AGO3: variants seen among roughly 807,000 people sequenced by gnomAD.
AGO3 encodes the protein protein argonaute-3.
In AGO3, 16 loss-of-function variants were observed where a neutral mutation model predicts 105.5. The observed-to-expected ratio is 0.15, with a 90% CI of 0.10 to 0.23. The LOEUF (loss-of-function observed/expected upper bound fraction) is 0.23. Among genes scored for constraint, AGO3 ranks in the 10% least tolerant of loss-of-function variants. The pLI is 1.00. For synonymous variants in AGO3, 340 were observed against 367.3 expected (o/e 0.93, Z 0.85); for missense variants, 534 against 1,088.0 (o/e 0.49, Z 7.16).
In AGO3 at chr1:36,034,242, A is replaced by G. The variant is rs143959736; in HGVS notation, c.1660A>G (p.Ile554Val). The change falls in exon 13 of 19, where the codon ATA becomes GTA. Residue 554 changes from isoleucine (I) to valine (V), a missense_variant. Physicochemically the swap from Ile to Val is conservative, Grantham distance 29 (BLOSUM62 3). Coordinates refer to ENST00000373191, the MANE Select transcript of AGO3 (RefSeq NM_024852.4). ...ACAATGTGTTCAAGTCAAGAATGTAATAAAAACATCTCCTCAAACTCTGTC... is the reference window on the plus strand; with the variant it reads ...ACAATGTGTTCAAGTCAAGAATGTAGTAAAAACATCTCCTCAAACTCTGTC... ...ATQCVQVKNV[I>V]KTSPQTLSNL... 464 of 1,608,808 alleles carry G rather than the reference A, an allele frequency of 2.9e-4. 6 individuals carry two copies. Among genetic ancestry groups the G allele is most frequent in the Non-Finnish European group, 5.6e-5 (66 of 1,177,740 alleles).
At chr1:36,033,032 C>T (rs956067276) in intron 12 of AGO3, among the ~76,000 whole-genome samples, 1 of 152,022 alleles carries the variant, frequency 6.6e-6, no homozygotes, top group African/African-American at 2.4e-5. Flanking sequence ...CTTCAAGAGG[C>T]TGAGGCAGGA....
chr1:35,937,439 T>C (rs1646170956), intron 1 of AGO3, among the ~76,000 whole-genome samples: 1 of 151,032 alleles, frequency 6.6e-6, no homozygotes, highest in East Asian at 1.9e-4. Context: ...CCACCTGTAA[T>C]CCCAGCACTT....
intron 2 of AGO3, among the ~76,000 whole-genome samples, chr1:35,948,041 G>A (rs986555726): frequency 1.3e-5 from 2 of 151,770 alleles, no homozygotes; most frequent in Admixed American, 6.6e-5. Flanking sequence ...CACTCCAGCC[G>A]GGGCAACATA....
intron 2 of AGO3, 102 bp from the exon 3 acceptor site, chr1:35,966,853 A>G: frequency 7.8e-7 from 1 of 1,289,692 alleles, no homozygotes; most frequent in Non-Finnish European, 1.0e-6. Flanking sequence ...AATATTTTTT[A>G]GAATTTTGAC....
chr1:35,996,028 T>A (rs569407337), intron 5 of AGO3, among the ~76,000 whole-genome samples: 37 of 152,220 alleles, frequency 2.4e-4, no homozygotes, highest in Middle Eastern at 3.4e-3. Flanking sequence ...CTTCTCCTTT[T>A]GAGAACACCA....
chr1:35,982,733 A>C, intron 5 of AGO3: 1 of 699,564 alleles, frequency 1.4e-6, no homozygotes, highest in Non-Finnish European at 2.6e-6. Flanking sequence ...GTGATGGTCT[A>C]ATGTGGGATG....
At chr1:35,996,020 T>G (rs186053333) in intron 5 of AGO3, among the ~76,000 whole-genome samples, 8 of 152,088 alleles carry the variant, frequency 5.3e-5, no homozygotes, top group East Asian at 3.9e-4. Context: ...ATTAAAAGCT[T>G]CTCCTTTTGA....
Position 36,055,185 on chromosome 1 carries a change from T to C in AGO3, c.2474+40T>C. ...TAACAGGTTCTCACCCAAATCCCAA[T>C]ATTGTCTGCATGGTAGGATTTTCAA... On this transcript the variant is annotated intron_variant, in intron 18 of 18. Coordinates refer to ENST00000373191, the MANE Select transcript of AGO3 (RefSeq NM_024852.4). This position sits in a 1 kb window ranked among gnomAD's most constrained non-coding sequence, Gnocchi z 4.4. 1 of 1,544,746 alleles carries C rather than the reference T, an allele frequency of 6.5e-7. No homozygotes were observed. The highest frequency in any genetic ancestry group is 1.2e-5 in the South Asian group (1 of 84,626).
intron 6 of AGO3, 150 bp downstream of exon 6, chr1:36,004,625 C>A: frequency 2.7e-6 from 2 of 746,770 alleles, no homozygotes; most frequent in Non-Finnish European, 3.8e-6. Flanking sequence ...ACATTAAATT[C>A]ATTACTATAA....
chr1:35,968,074 A>G (rs1646805534), intron 3 of AGO3, among the ~76,000 whole-genome samples: 1 of 152,304 alleles, frequency 6.6e-6, no homozygotes, highest in East Asian at 1.9e-4. Flanking sequence ...CAGGAATATT[A>G]TATAACCATT....
At chr1:35,954,363 C>T (rs1646527481) in intron 2 of AGO3, among the ~76,000 whole-genome samples, 1 of 152,118 alleles carries the variant, frequency 6.6e-6, no homozygotes, top group Admixed American at 6.5e-5. Context: ...TATTTACACA[C>T]AAGGGACTAG....
intron 2 of AGO3, among the ~76,000 whole-genome samples, chr1:35,957,892 C>A (rs1271029485): frequency 6.6e-6 from 1 of 150,848 alleles, no homozygotes; most frequent in South Asian, 2.1e-4. Flanking sequence ...ATAGGGAGAC[C>A]CCTTCTGTAT....
At position 36,058,191 on chromosome 1, in the gene AGO3, CT is replaced by C. The variant is rs1642979221; in HGVS notation, c.*2450del. 1 of 152,108 alleles carries C rather than the reference CT, an allele frequency of 6.6e-6. No homozygotes were observed. Among genetic ancestry groups the C allele is most frequent in the African/African-American group, 2.4e-5 (1 of 41,426 alleles). 9.4% of individuals were successfully genotyped at this position (152,108 alleles called of 1,614,324 possible). ...GAAAATGCAAGATGATATTTTAAAA[CT>C]TTTGCTAATGTATCACCAGTATAAC... On this transcript the variant is annotated 3_prime_UTR_variant, in exon 19 of 19. Coordinates refer to ENST00000373191, the MANE Select transcript of AGO3 (RefSeq NM_024852.4).
At chr1:35,955,833 G>T (rs892302425) in intron 2 of AGO3, among the ~76,000 whole-genome samples, 1 of 152,032 alleles carries the variant, frequency 6.6e-6, no homozygotes, top group Non-Finnish European at 1.5e-5. Flanking sequence ...TGTCTCAAGC[G>T]ATCTGCCCAC....
rs375523944 is a variant in AGO3, at chr1:36,058,351, A to T, written c.*2606A>T. On this transcript the variant is annotated 3_prime_UTR_variant, in exon 19 of 19. Coordinates refer to ENST00000373191, the MANE Select transcript of AGO3 (RefSeq NM_024852.4). ...ATTACACTTTAAGGTATTAAAAAGT[A>T]CTATAAAGCTATCAAAACTGAGTTT... 12 of 152,312 alleles carry T rather than the reference A, an allele frequency of 7.9e-5. No individual in the cohort carries two copies. The East Asian group carries it at 2.1e-3, about 27-fold the overall frequency. The allele number at this position is 152,312 out of a possible 1,614,324, so 9.4% of individuals were successfully genotyped here.
At position 36,071,332 on chromosome 1, in the gene AGO3, T is replaced by G. The variant is rs775399735; in HGVS notation, c.*15587T>G. ...GGGGAGGGTGGGGCCGCCTGCAAAA[T>G]GTCCTGAAGATGGACAAATAGCCTT... is the stretch of plus-strand genomic sequence containing the variant. On this transcript the variant is annotated 3_prime_UTR_variant, in exon 19 of 19. Transcript: ENST00000373191. 4 of 152,162 alleles carry G rather than the reference T, an allele frequency of 2.6e-5. No homozygotes were observed. Among genetic ancestry groups the G allele is most frequent in the Non-Finnish European group, 4.4e-5 (3 of 68,026 alleles). The allele number at this position is 152,162 out of a possible 1,614,324, so 9.4% of individuals were successfully genotyped here. A position where few individuals can be genotyped will look rare whatever the true frequency, so the allele number is the denominator to read the frequency against.
In AGO3 at chr1:35,994,781, G is replaced by A. The variant is rs538561117; in HGVS notation, c.659-9560G>A. Among the ~76,000 whole-genome samples, 12 of 152,176 alleles carry A rather than the reference G, an allele frequency of 7.9e-5. No individual in the cohort carries two copies. In the South Asian group the frequency reaches 1.9e-3, roughly 24 times the overall value. Reference sequence around the variant, plus strand: ...TTCATAACATAAAACATAATTTTTAGGAATAAATATAAAGATGTGCATGGC... The same window carrying A: ...TTCATAACATAAAACATAATTTTTAAGAATAAATATAAAGATGTGCATGGC... On this transcript the variant is annotated intron_variant, in intron 5 of 18. Coordinates refer to ENST00000373191, the MANE Select transcript of AGO3 (RefSeq NM_024852.4).
At chr1:36,047,212 C>T (rs902811466) in intron 17 of AGO3, among the ~76,000 whole-genome samples, 2 of 151,810 alleles carry the variant, frequency 1.3e-5, no homozygotes, top group Non-Finnish European at 2.9e-5. Context: ...CACTGCACTC[C>T]GGCCTGGGCA....
Position 36,008,628 on chromosome 1 carries a change from TA to T in AGO3, c.794-61del. 1.2e-5 allele frequency: 18 copies of T among 1,514,680 alleles called. No homozygotes were observed. Among genetic ancestry groups the T allele is most frequent in the Non-Finnish European group, 1.5e-5 (17 of 1,097,698 alleles). The allele number at this position is 1,514,680 out of a possible 1,614,324, so 93.8% of individuals were successfully genotyped here. A position where few individuals can be genotyped will look rare whatever the true frequency, so the allele number is the denominator to read the frequency against. ...AGTTTTTATGGTAATGAACAGGCTT[TA>T]TAAGTATAAATATTTTACATGTGAC... On this transcript the variant is annotated intron_variant, in intron 6 of 18. Coordinates refer to ENST00000373191, the MANE Select transcript of AGO3 (RefSeq NM_024852.4). The surrounding 1 kb of genome is among the most constrained non-coding windows in gnomAD (Gnocchi z 5.1).
Sources: allele counts gnomAD v4.1 joint callset (sites outside exome capture counted in the v4.1 genomes callset), GRCh38; gene constraint gnomAD v4.1.1; non-coding constraint Gnocchi (gnomAD v3.1); transcripts MANE v1.5; gene names NCBI Gene and HGNC (gene_info 2026-07-23, HGNC 2026-07-21).